CFAP46: variants seen among roughly 807,000 people sequenced by gnomAD.
The protein encoded by CFAP46 is cilia- and flagella-associated protein 46.
In CFAP46, 245 loss-of-function variants were observed where a neutral mutation model predicts 325.7. The observed-to-expected ratio is 0.75, with a 90% CI of 0.68 to 0.84. The LOEUF is 0.84. Ranked by LOEUF, CFAP46 falls within the 40% of genes least tolerant of loss-of-function variation. CFAP46 has a pLI of 0.00. For synonymous variants in CFAP46, 1,523 were observed against 1,495.9 expected (o/e 1.02, Z -0.42); for missense variants, 3,346 against 3,543.0 (o/e 0.94, Z 1.41).
In CFAP46 at chr10:132,866,548, C is replaced by A. The variant is rs549081610; in HGVS notation, c.4744-377G>T. Reference sequence around the variant, plus strand: ...CAACCCTGGGATCTGGGCCTGCCTGCGGCTGTGCACCCGGCCTTGCTAGGG... The same window carrying A: ...CAACCCTGGGATCTGGGCCTGCCTGAGGCTGTGCACCCGGCCTTGCTAGGG... On this transcript the variant is annotated intron_variant, in intron 34 of 57. Transcript: ENST00000368586. Among the ~76,000 whole-genome samples, 31 of 152,326 alleles carry A rather than the reference C, an allele frequency of 2.0e-4. 1 individual carries two copies. The highest frequency in any genetic ancestry group is 2.0e-3 in the Admixed American group (31 of 15,312).
chr10:132,837,588 CACAGATGCGCACGG>C (rs1429863904), intron 44 of CFAP46, among the ~76,000 whole-genome samples: 4 of 119,890 alleles, frequency 3.3e-5, no homozygotes, highest in Non-Finnish European at 7.1e-5. Flanking sequence ...TGCACACGTA[CACAGATGCGCACGG>C]ACACACGCAC....
At chr10:132,883,630 G>T (rs1157549118) in intron 27 of CFAP46, among the ~76,000 whole-genome samples, 1 of 152,244 alleles carries the variant, frequency 6.6e-6, no homozygotes, top group Non-Finnish European at 1.5e-5. Flanking sequence ...GCCCCCGGGG[G>T]ACGAGGACCG....
chr10:132,940,615 T>C (rs891346255), intron 4 of CFAP46, among the ~76,000 whole-genome samples: 2 of 151,862 alleles, frequency 1.3e-5, no homozygotes, highest in Non-Finnish European at 2.9e-5. Context: ...AGTCTCGCTG[T>C]CATCCAGGCT....
chr10:132,836,378 G>T (rs1052856897), intron 45 of CFAP46, among the ~76,000 whole-genome samples, 160 bp from the exon 46 acceptor site: 5 of 152,022 alleles, frequency 3.3e-5, no homozygotes, highest in Non-Finnish European at 5.9e-5. Flanking sequence ...GGCACCGCTG[G>T]GTGTGCATGG....
At chr10:132,849,761 G>T (rs1220887302) in intron 41 of CFAP46, among the ~76,000 whole-genome samples, 1 of 152,162 alleles carries the variant, frequency 6.6e-6, no homozygotes, top group Admixed American at 6.5e-5. Flanking sequence ...GGGGATGGAG[G>T]GGAGCCAAGG....
At chr10:132,897,664 G>T (rs1271096259) in intron 24 of CFAP46, among the ~76,000 whole-genome samples, 1 of 152,232 alleles carries the variant, frequency 6.6e-6, no homozygotes, top group Non-Finnish European at 1.5e-5. Context: ...AGGTTGGCAG[G>T]TCGGCAGGCC....
rs1849643898 is a variant in CFAP46, at chr10:132,916,628, G to GC, written c.2040_2041insG (p.Pro681AlafsTer15). On this transcript the variant is annotated frameshift_variant, in exon 17 of 58. Coordinates refer to ENST00000368586, the MANE Select transcript of CFAP46 (RefSeq NM_001200049.3). LOFTEE classifies it high-confidence loss of function. Reference sequence around the variant, plus strand: ...GGGTGCTGGCTCAGGTCTTCGGGGGGGATGGCCCGGTCATTCAGCTCTACA... The same window carrying GC: ...GGGTGCTGGCTCAGGTCTTCGGGGGGCGATGGCCCGGTCATTCAGCTCTACA... 4 of 1,536,622 alleles carry GC rather than the reference G, an allele frequency of 2.6e-6. No homozygotes were observed. Among genetic ancestry groups the GC allele is most frequent in the Non-Finnish European group, 3.5e-6 (4 of 1,140,810 alleles).
At chr10:132,816,058 G>A (rs898906698) in intron 50 of CFAP46, among the ~76,000 whole-genome samples, 4 of 152,168 alleles carry the variant, frequency 2.6e-5, no homozygotes, top group African/African-American at 7.2e-5. Context: ...TTGGTTATGA[G>A]ACTACTCAGG....
In CFAP46 at chr10:132,872,832, G is replaced by T. The variant is rs1848912010; in HGVS notation, c.4363-8C>A. 1 of 1,550,996 alleles carries T rather than the reference G, an allele frequency of 6.4e-7. No individual in the cohort carries two copies. Among genetic ancestry groups the T allele is most frequent in the Non-Finnish European group, 8.7e-7 (1 of 1,147,088 alleles). On this transcript the variant is annotated splice_polypyrimidine_tract_variant and splice_region_variant and intron_variant, in intron 31 of 57. Transcript: ENST00000368586. ...GAAATACAAACTGTATGTCTACATGGACACATAACACACACAGGAGGTCAC... is the reference window on the plus strand; with the variant it reads ...GAAATACAAACTGTATGTCTACATGTACACATAACACACACAGGAGGTCAC...
chr10:132,845,998 T>C, intron 44 of CFAP46, 59 bp downstream of exon 44: 1 of 1,539,156 alleles, frequency 6.5e-7, no homozygotes, highest in Non-Finnish European at 8.7e-7. Context: ...GCGGCTGCAG[T>C]GTCTGTCCAC....
chr10:132,940,397 A>AT (rs71013584), intron 4 of CFAP46, among the ~76,000 whole-genome samples: 3,141 of 152,130 alleles, frequency 0.021, 50 homozygotes, highest in Non-Finnish European at 0.033. Context: ...GAAGCATGAT[A>AT]TTTGTTTTTG....
At chr10:132,825,729 A>T (rs1370420551) in intron 50 of CFAP46, among the ~76,000 whole-genome samples, 2 of 152,230 alleles carry the variant, frequency 1.3e-5, no homozygotes, top group African/African-American at 4.8e-5. Flanking sequence ...AAACAATAAA[A>T]ATTATATCCA....
At chr10:132,910,129 G>A in intron 19 of CFAP46, 61 bp from the exon 20 acceptor site, 3 of 1,318,048 alleles carry the variant, frequency 2.3e-6, no homozygotes, top group Non-Finnish European at 1.9e-6. Context: ...CTTGAGCCAA[G>A]ATCCGAACCA....
chr10:132,865,330 G>C (rs1246147733), intron 35 of CFAP46, among the ~76,000 whole-genome samples: 1 of 152,214 alleles, frequency 6.6e-6, no homozygotes, highest in Non-Finnish European at 1.5e-5. Flanking sequence ...CCAGGGTGAG[G>C]AGAGGAGGCT....
At chr10:132,867,011 G>A (rs1848823579) in intron 34 of CFAP46, among the ~76,000 whole-genome samples, 1 of 152,184 alleles carries the variant, frequency 6.6e-6, no homozygotes, top group Admixed American at 6.5e-5. Flanking sequence ...GGCCCGTGGT[G>A]CACATAAAGC....
At chr10:132,938,285 G>A (rs1850041757) in intron 5 of CFAP46, among the ~76,000 whole-genome samples, 1 of 152,224 alleles carries the variant, frequency 6.6e-6, no homozygotes, top group South Asian at 2.1e-4. Context: ...TAAGAACTAA[G>A]ATTGTAAAAC....
rs1848246391 is a variant in CFAP46 at position 132,836,274 on chromosome 10, A to G, written c.6537-56T>C. On this transcript the variant is annotated intron_variant, in intron 45 of 57. Coordinates refer to ENST00000368586, the MANE Select transcript of CFAP46 (RefSeq NM_001200049.3). ...GCAAGCCATGAAGGAAACACACCTC[A>G]CAGCCCAGCTCCAGCGACCTCAGAG... The G allele has an allele frequency of 5.9e-6, 9 of 1,536,000 alleles. No individual in the cohort carries two copies. The South Asian group carries it at 1.0e-4, about 17-fold the overall frequency.
chr10:132,870,998 A>G (rs1410422922), intron 32 of CFAP46, among the ~76,000 whole-genome samples: 1 of 152,256 alleles, frequency 6.6e-6, no homozygotes, highest in Non-Finnish European at 1.5e-5. Flanking sequence ...GGGCTAACGC[A>G]GCCGGGGACT....
rs1471923990 is a variant in CFAP46 at position 132,915,429 on chromosome 10, TCATCGTCATTGCTG to T, written c.2120+1106_2120+1119del. Among the ~76,000 whole-genome samples, 3 of 152,376 alleles carry T rather than the reference TCATCGTCATTGCTG, an allele frequency of 2.0e-5. No individual in the cohort carries two copies. In the East Asian group the frequency reaches 5.8e-4, roughly 29 times the overall value. ...CCAAGACAAAGGCCACCTGCAGCCG[TCATCGTCATTGCTG>T]CTGCCTGACCACCTCTTCCCTCCAA... On this transcript the variant is annotated intron_variant, in intron 17 of 57. Coordinates refer to ENST00000368586, the MANE Select transcript of CFAP46 (RefSeq NM_001200049.3).
Sources: gnomAD v4.1 joint callset for allele counts (sites outside exome capture counted in the v4.1 genomes callset) on GRCh38, gnomAD v4.1.1 for gene constraint, MANE v1.5 for transcripts, NCBI Gene and HGNC (gene_info 2026-07-23, HGNC 2026-07-21) for gene names.